The following COBL variants were observed in gnomAD, a reference collection of about 807,000 sequenced individuals.
COBL encodes the protein cordon-bleu WH2 repeat protein.
A neutral mutation model predicts 98.8 loss-of-function variants in COBL; 51 were observed. The ratio of observed to expected loss-of-function variants is 0.52; its 90% CI spans 0.41 to 0.65. The LOEUF is 0.65. Ranked by LOEUF, COBL falls within the 30% of genes least tolerant of loss-of-function variation. COBL has a pLI of 0.00. For missense variants in COBL, 1,617 were observed against 1,617.5 expected (o/e 1.00, Z 0.01); for synonymous variants, 634 against 651.7 (o/e 0.97, Z 0.41).
At chr7:51,290,564 T>C (rs1464607623) in intron 1 of COBL, among the ~76,000 whole-genome samples, 1 of 152,036 alleles carries the variant, frequency 6.6e-6, no homozygotes, top group African/African-American at 2.4e-5. Flanking sequence ...GCGTGAAAGA[T>C]GTGTGCTATC....
chr7:51,025,530 C>T (rs928118777), intron 11 of COBL, among the ~76,000 whole-genome samples, 158 bp from the exon 12 acceptor site: 23 of 152,146 alleles, frequency 1.5e-4, no homozygotes, highest in African/African-American at 5.3e-4. Flanking sequence ...TGCTCTTATA[C>T]AAAAAAGGCT....
chr7:51,063,200 T>A (rs1791564342), intron 7 of COBL, among the ~76,000 whole-genome samples: 1 of 151,590 alleles, frequency 6.6e-6, no homozygotes, highest in South Asian at 2.1e-4. Flanking sequence ...AATGGCGTGA[T>A]CTTGGCGCAC....
At position 51,238,488 on chromosome 7, in the gene COBL, T is replaced by C. The variant is rs117612177; in HGVS notation, c.42-18544A>G. Among the ~76,000 whole-genome samples the C allele has an allele frequency of 8.0e-3, 1,223 of 152,248 alleles. 58 individuals carry two copies. In the South Asian group the frequency reaches 0.13, roughly 17 times the overall value. On this transcript the variant is annotated intron_variant, in intron 1 of 12. Coordinates refer to ENST00000265136, the MANE Select transcript of COBL (RefSeq NM_015198.5). ...GCAGCAACACCGGGTAGAGCAGTTG[T>C]AACTTACACTGAAGTTACTCTTTGT...
chr7:51,185,594 A>G (rs997248764), intron 4 of COBL, among the ~76,000 whole-genome samples: 1 of 152,226 alleles, frequency 6.6e-6, no homozygotes, highest in African/African-American at 2.4e-5. Flanking sequence ...TACAGATATG[A>G]CAAGAAGAAG....
At chr7:51,235,158 C>A in intron 1 of COBL, among the ~76,000 whole-genome samples, 1 of 152,200 alleles carries the variant, frequency 6.6e-6, no homozygotes, top group East Asian at 1.9e-4. Flanking sequence ...TGAAGTCAAG[C>A]AGCCCAACCT....
At chr7:51,083,354 C>T (rs1322562902) in intron 7 of COBL, 1 of 644,998 alleles carries the variant, frequency 1.6e-6, no homozygotes, top group Non-Finnish European at 2.6e-6. Context: ...CCACACCTAA[C>T]ACCAGATCCA....
At chr7:51,246,053 T>C (rs1166701736) in intron 1 of COBL, among the ~76,000 whole-genome samples, 3 of 152,228 alleles carry the variant, frequency 2.0e-5, no homozygotes, top group Admixed American at 6.5e-5. Flanking sequence ...GTGTCATTTA[T>C]TTTTAAGTAG....
chr7:51,022,043 T>G (rs1447868769), intron 12 of COBL, among the ~76,000 whole-genome samples: 5 of 152,188 alleles, frequency 3.3e-5, no homozygotes, highest in Non-Finnish European at 7.4e-5. Context: ...AGGGCAGGCT[T>G]TCTTCAGATT....
intron 5 of COBL, among the ~76,000 whole-genome samples, chr7:51,148,212 T>C (rs1009611259): frequency 3.9e-5 from 6 of 152,120 alleles, no homozygotes; most frequent in African/African-American, 1.2e-4. Context: ...ATTTACACGT[T>C]TGTGCACAGG....
At chr7:51,193,931 T>C (rs1790360825) in intron 2 of COBL, among the ~76,000 whole-genome samples, 1 of 152,208 alleles carries the variant, frequency 6.6e-6, no homozygotes, top group Non-Finnish European at 1.5e-5. Flanking sequence ...AATTTTCAGT[T>C]ATTCAGAAAT....
chr7:51,207,604 AT>A (rs901737354), intron 2 of COBL, among the ~76,000 whole-genome samples: 151 of 152,122 alleles, frequency 9.9e-4, no homozygotes, highest in African/African-American at 3.5e-3. Context: ...TGGTTTTCGT[AT>A]TTTTTTGGTG....
At chr7:51,046,585 A>G (rs976858465) in intron 7 of COBL, among the ~76,000 whole-genome samples, 1 of 152,062 alleles carries the variant, frequency 6.6e-6, no homozygotes, top group Non-Finnish European at 1.5e-5. Flanking sequence ...GAACTGTAAC[A>G]TGTTTTGACA....
chr7:51,295,146 C>T (rs967437291), intron 1 of COBL, among the ~76,000 whole-genome samples: 3 of 151,668 alleles, frequency 2.0e-5, no homozygotes, highest in Admixed American at 6.6e-5. Context: ...ATTAGCCAGG[C>T]ATGATGGCAG....
At chr7:51,266,143 C>G (rs746487307) in intron 1 of COBL, among the ~76,000 whole-genome samples, 1 of 152,082 alleles carries the variant, frequency 6.6e-6, no homozygotes, top group Non-Finnish European at 1.5e-5. Context: ...CACATGTGGG[C>G]AAATTAATTA....
chr7:51,302,631 T>G (rs1563145566), intron 1 of COBL, among the ~76,000 whole-genome samples: 1 of 149,438 alleles, frequency 6.7e-6, no homozygotes, highest in Non-Finnish European at 1.5e-5. Context: ...GTGTGGTCGC[T>G]CAGGCCTGTA....
Position 51,101,677 on chromosome 7 carries a change from C to G in COBL, c.958-16373G>C, listed in dbSNP as rs557930578. Among the ~76,000 whole-genome samples the G allele has an allele frequency of 1.2e-4, 18 of 152,314 alleles. No homozygotes were observed. The East Asian group carries it at 3.3e-3, about 28-fold the overall frequency. On this transcript the variant is annotated intron_variant, in intron 6 of 12. Coordinates refer to ENST00000265136, the MANE Select transcript of COBL (RefSeq NM_015198.5). ...ATGGATTTCTCACCTAGTAAAGCAC[C>G]CACCTACTGGGCATATTAGAAACCA...
At position 51,027,694 on chromosome 7, in the gene COBL, G is replaced by A. The variant is rs558311162; in HGVS notation, c.3384+18C>T. On this transcript the variant is annotated intron_variant, in intron 10 of 12. Transcript: ENST00000265136. ...TGGGCAGGTGTGGAAGGCCTGCCCCGGAAGCCGCCATCCTCACCTTGCGTA... is the reference window on the plus strand; with the variant it reads ...TGGGCAGGTGTGGAAGGCCTGCCCCAGAAGCCGCCATCCTCACCTTGCGTA... The A allele has an allele frequency of 2.9e-5, 47 of 1,595,654 alleles. No individual in the cohort carries two copies. The highest frequency in any genetic ancestry group is 2.6e-4 in the South Asian group (23 of 87,778).
At chr7:51,306,177 C>G (rs1318875355) in intron 1 of COBL, among the ~76,000 whole-genome samples, 1 of 152,098 alleles carries the variant, frequency 6.6e-6, no homozygotes, top group East Asian at 1.9e-4. Flanking sequence ...AACCTAGAGG[C>G]GGCTTGGAAG....
intron 7 of COBL, chr7:51,064,871 C>T: frequency 2.5e-6 from 1 of 400,814 alleles, no homozygotes; most frequent in Non-Finnish European, 4.4e-6. Context: ...CAGAGGCTGC[C>T]AGGCCTGAGC....
Sources: allele counts gnomAD v4.1 joint callset (sites outside exome capture counted in the v4.1 genomes callset), GRCh38; gene constraint gnomAD v4.1.1; transcripts MANE v1.5; gene names NCBI Gene and HGNC (gene_info 2026-07-23, HGNC 2026-07-21).